Variants in ABLIM2 observed in about 807,000 individuals in gnomAD.
ABLIM2 encodes actin binding LIM protein family member 2.
A neutral mutation model predicts 97.7 loss-of-function variants in ABLIM2; 53 were observed. The observed-to-expected ratio is 0.54, with a 90% CI of 0.44 to 0.68. The LOEUF is 0.68. ABLIM2 is among the 30% of genes least tolerant of loss of function. ABLIM2 has a pLI of 0.00. For synonymous variants in ABLIM2, 361 were observed against 345.8 expected (o/e 1.04, Z -0.49); for missense variants, 835 against 867.2 (o/e 0.96, Z 0.47).
chr4:8,117,230 C>T (rs1381772761), intron 1 of ABLIM2, among the ~76,000 whole-genome samples: 3 of 152,124 alleles, frequency 2.0e-5, no homozygotes, highest in African/African-American at 7.2e-5. Flanking sequence ...GGTTTAGTGA[C>T]CAGCCCAAAG....
chr4:7,980,859 C>T (rs149198861), intron 20 of ABLIM2, among the ~76,000 whole-genome samples: 328 of 151,456 alleles, frequency 2.2e-3, no homozygotes, highest in African/African-American at 7.6e-3. Flanking sequence ...GAATAGGAAA[C>T]ATTTGCCATC....
At chr4:8,154,281 C>CTTTTTTT (rs34112937) in intron 1 of ABLIM2, among the ~76,000 whole-genome samples, 1 of 114,530 alleles carries the variant, frequency 8.7e-6, no homozygotes, top group African/African-American at 3.6e-5. Flanking sequence ...CTTTTCTTTT[C>CTTTTTTT]TTTTTTTTTT....
chr4:7,975,026 C>T (rs1349468753), intron 20 of ABLIM2, among the ~76,000 whole-genome samples: 1 of 152,114 alleles, frequency 6.6e-6, no homozygotes, highest in Non-Finnish European at 1.5e-5. Context: ...TGAGACCAGC[C>T]AGGGCAACAT....
At chr4:8,098,912 G>C (rs1833064201) in intron 2 of ABLIM2, among the ~76,000 whole-genome samples, 1 of 152,210 alleles carries the variant, frequency 6.6e-6, no homozygotes, top group Non-Finnish European at 1.5e-5. Context: ...TCTGTCTCAA[G>C]GTAAAAATGA....
chr4:8,103,577 C>T (rs898018081), intron 2 of ABLIM2, among the ~76,000 whole-genome samples: 5 of 152,236 alleles, frequency 3.3e-5, no homozygotes, highest in African/African-American at 4.8e-5. Context: ...CAGACCCCTG[C>T]TACTGCTGGA....
At chr4:8,116,479 G>T (rs1222661801) in intron 1 of ABLIM2, among the ~76,000 whole-genome samples, 1 of 152,164 alleles carries the variant, frequency 6.6e-6, no homozygotes, top group African/African-American at 2.4e-5. Flanking sequence ...AAATCCGTGG[G>T]TTTCCACTTG....
chr4:8,146,303 A>G (rs1341539353), intron 1 of ABLIM2, among the ~76,000 whole-genome samples: 1 of 152,174 alleles, frequency 6.6e-6, no homozygotes, highest in East Asian at 1.9e-4. Context: ...TTTCACTCTC[A>G]GTCTGTCCTG....
At chr4:8,121,349 C>T (rs1845354480) in intron 1 of ABLIM2, among the ~76,000 whole-genome samples, 1 of 152,274 alleles carries the variant, frequency 6.6e-6, no homozygotes, top group Admixed American at 6.5e-5. Context: ...CCAGCTCCTG[C>T]TGCTTCCAGG....
intron 2 of ABLIM2, among the ~76,000 whole-genome samples, chr4:8,097,796 C>A (rs1832496160): frequency 6.6e-6 from 1 of 152,150 alleles, no homozygotes; most frequent in Admixed American, 6.5e-5. Flanking sequence ...GCTTCCCACC[C>A]CCTCCCCCAC....
At chr4:8,027,310 G>A (rs1778047307) in intron 12 of ABLIM2, among the ~76,000 whole-genome samples, 1 of 152,214 alleles carries the variant, frequency 6.6e-6, no homozygotes, top group Non-Finnish European at 1.5e-5. Context: ...AGCCACACTG[G>A]GTGTGAACCC....
chr4:8,086,284 CA>C (rs140575003), intron 4 of ABLIM2, among the ~76,000 whole-genome samples: 15,635 of 128,892 alleles, frequency 0.12, 1,285 homozygotes, highest in East Asian at 0.25. Flanking sequence ...TTGAAAACCT[CA>C]AAAAAAAAAA....
At position 8,117,511 on chromosome 4, in the gene ABLIM2, CAGACTCCACCCACCACAGGCTCTACTA is replaced by C. The variant is rs1187607114; in HGVS notation, c.11-10901_11-10875del. ...CACCCACTGCAGACTCCACCCGCTG[CAGACTCCACCCACCACAGGCTCTACTA>C]AGACTCCACCCACCAGAGGCTCCAC... is the stretch of plus-strand genomic sequence containing the variant. On this transcript the variant is annotated intron_variant, in intron 1 of 20. Transcript: ENST00000447017. Among the ~76,000 whole-genome samples, 157 of 151,674 alleles carry C rather than the reference CAGACTCCACCCACCACAGGCTCTACTA, an allele frequency of 1.0e-3. 1 individual carries two copies. The highest frequency in any genetic ancestry group is 3.7e-3 in the African/African-American group (152 of 41,338).
chr4:8,153,768 C>T (rs1713965861), intron 1 of ABLIM2, among the ~76,000 whole-genome samples: 1 of 152,092 alleles, frequency 6.6e-6, no homozygotes, highest in African/African-American at 2.4e-5. Context: ...AAAGGGCACA[C>T]AATGAAGAAA....
At chr4:8,103,871 C>G (rs573685275) in intron 2 of ABLIM2, among the ~76,000 whole-genome samples, 8 of 152,226 alleles carry the variant, frequency 5.3e-5, no homozygotes, top group Non-Finnish European at 8.8e-5. Flanking sequence ...TTATGGAAAT[C>G]CTTTCAAATA....
chr4:7,979,724 T>C (rs1736504548), intron 20 of ABLIM2, among the ~76,000 whole-genome samples: 1 of 152,260 alleles, frequency 6.6e-6, no homozygotes, highest in Non-Finnish European at 1.5e-5. Context: ...TAAGATGGAG[T>C]GTTAAATACG....
chr4:8,079,934 G>T (rs1403428364), intron 5 of ABLIM2, among the ~76,000 whole-genome samples: 2 of 152,194 alleles, frequency 1.3e-5, no homozygotes, highest in Non-Finnish European at 2.9e-5. Context: ...TCTGCGCTCA[G>T]AGGAGCTGCC....
intron 5 of ABLIM2, among the ~76,000 whole-genome samples, chr4:8,078,968 T>G (rs573541471): frequency 6.6e-6 from 1 of 152,362 alleles, no homozygotes; most frequent in East Asian, 1.9e-4. Context: ...GCACAGCTAC[T>G]AGAGAAGGGA....
In ABLIM2 at chr4:8,123,230, C is replaced by T. The variant is rs1846268743; in HGVS notation, c.11-16593G>A. Among the ~76,000 whole-genome samples, 1 of 152,106 alleles carries T rather than the reference C, an allele frequency of 6.6e-6. No individual in the cohort carries two copies. Among genetic ancestry groups the T allele is most frequent in the African/African-American group, 2.4e-5 (1 of 41,412 alleles). On this transcript the variant is annotated intron_variant, in intron 1 of 20. Coordinates refer to ENST00000447017, the MANE Select transcript of ABLIM2 (RefSeq NM_001130083.2). The surrounding 1 kb of genome is among the most constrained non-coding windows in gnomAD (Gnocchi z 6.2). ...TTGGGGTCTCTAATCCCTGCCTGGC[C>T]CTCCCCTGTGCAGGCATGGTGTGGG... is the stretch of plus-strand genomic sequence containing the variant.
intron 16 of ABLIM2, among the ~76,000 whole-genome samples, chr4:8,000,708 C>T (rs558670906): frequency 1.1e-4 from 16 of 152,090 alleles, no homozygotes; most frequent in African/African-American, 3.6e-4. Flanking sequence ...GAGCTGTCCC[C>T]GGAGGCTTTG....
Sources: allele counts gnomAD v4.1 joint callset (sites outside exome capture counted in the v4.1 genomes callset), GRCh38; gene constraint gnomAD v4.1.1; non-coding constraint Gnocchi (gnomAD v3.1); transcripts MANE v1.5; gene names NCBI Gene and HGNC (gene_info 2026-07-23, HGNC 2026-07-21).